The following TNIP1 variants were observed in gnomAD, a reference collection of about 807,000 sequenced individuals.
TNIP1 encodes the protein TNFAIP3-interacting protein 1.
In TNIP1, 22 loss-of-function variants were observed where a neutral mutation model predicts 86.6. That is an observed-to-expected ratio of 0.25 (90% CI 0.18 to 0.36). The LOEUF is 0.36. TNIP1 is among the 10% of genes least tolerant of loss of function. TNIP1 has a pLI of 1.00. For synonymous variants in TNIP1, 294 were observed against 313.0 expected, an observed-to-expected ratio of 0.94 and a Z score of 0.64; for missense variants, 709 against 820.6, an observed-to-expected ratio of 0.86 and a Z score of 1.66.
intron 7 of TNIP1, among the ~76,000 whole-genome samples, chr5:151,051,774 A>C (rs113210399): frequency 6.6e-6 from 1 of 152,132 alleles, no homozygotes; most frequent in Admixed American, 6.5e-5. Flanking sequence ...TAAGCCCCCT[A>C]GTCCAGTGGG....
chr5:151,071,596 C>T (rs1398938504), intron 1 of TNIP1, among the ~76,000 whole-genome samples: 3 of 152,118 alleles, frequency 2.0e-5, no homozygotes, highest in Admixed American at 2.0e-4. Context: ...TTCCCTAACC[C>T]ATCAGTCCTC....
chr5:151,057,526 G>A (rs1490980404), intron 5 of TNIP1, among the ~76,000 whole-genome samples: 5 of 152,172 alleles, frequency 3.3e-5, no homozygotes, highest in African/African-American at 1.2e-4. Context: ...AGATCAAGAC[G>A]GCCTGAGTGG....
chr5:151,058,657 C>A (rs1368945042), intron 5 of TNIP1, among the ~76,000 whole-genome samples: 3 of 152,202 alleles, frequency 2.0e-5, no homozygotes, highest in African/African-American at 7.2e-5. Context: ...GCTCATCCTT[C>A]CCACCCTGTC....
At chr5:151,052,652 A>G (rs1245131955) in intron 6 of TNIP1, among the ~76,000 whole-genome samples, 2 of 152,144 alleles carry the variant, frequency 1.3e-5, no homozygotes, top group Non-Finnish European at 2.9e-5. Flanking sequence ...TGACTCCCCG[A>G]TCCAGCTACA....
Position 151,030,635 on chromosome 5 carries a change from G to C in TNIP1, c.*78C>G. On this transcript the variant is annotated 3_prime_UTR_variant, in exon 18 of 18. Transcript: ENST00000521591. ...CTGAGGCTCTGGCCACACCGTGCAA[G>C]TGGCTTCTAGTTTCTTGGCAATCTG... 2 of 1,609,540 alleles carry C rather than the reference G, an allele frequency of 1.2e-6. No individual in the cohort carries two copies. Among genetic ancestry groups the C allele is most frequent in the Non-Finnish European group, 1.7e-6 (2 of 1,177,532 alleles).
intron 8 of TNIP1, among the ~76,000 whole-genome samples, chr5:151,047,287 G>T (rs146478051): frequency 6.6e-6 from 1 of 152,312 alleles, no homozygotes; most frequent in East Asian, 1.9e-4. Context: ...CTCCTCATGA[G>T]ATCCAATCAC....
chr5:151,085,626 A>G (rs545270799), upstream of TNIP1, among the ~76,000 whole-genome samples: 1 of 152,308 alleles, frequency 6.6e-6, no homozygotes, highest in East Asian at 1.9e-4. Context: ...GCCTCGTCAC[A>G]TACGTGGCCT....
chr5:151,052,549 C>T (rs760337628), intron 6 of TNIP1, among the ~76,000 whole-genome samples: 1 of 152,148 alleles, frequency 6.6e-6, no homozygotes, highest in African/African-American at 2.4e-5. Flanking sequence ...CTCCCACTGC[C>T]GGGACCCCTA....
At chr5:151,034,293 G>A (rs1056092576) in intron 15 of TNIP1, among the ~76,000 whole-genome samples, 8 of 145,462 alleles carry the variant, frequency 5.5e-5, no homozygotes, top group Non-Finnish European at 3.0e-5. Context: ...GGGCAGTGAA[G>A]GCTGGTACAT....
At chr5:151,056,978 C>A in intron 5 of TNIP1, 21 bp from the exon 6 acceptor site, 1 of 1,439,306 alleles carries the variant, frequency 6.9e-7, no homozygotes, top group African/African-American at 1.5e-5. Flanking sequence ...AAAGGGCACA[C>A]GGCCCACTCT....
intron 3 of TNIP1, among the ~76,000 whole-genome samples, chr5:151,062,903 G>A (rs1353397703): frequency 6.6e-6 from 1 of 152,234 alleles, no homozygotes; most frequent in Non-Finnish European, 1.5e-5. Flanking sequence ...CATTGGCCTG[G>A]GCCAGATACC....
chr5:151,037,773 A>G (rs1757901631), intron 12 of TNIP1, among the ~76,000 whole-genome samples: 2 of 152,240 alleles, frequency 1.3e-5, no homozygotes, highest in South Asian at 4.2e-4. Flanking sequence ...CCGAGGGGAG[A>G]TAGAGACCTG....
chr5:151,065,161 G>T (rs1393522617), intron 1 of TNIP1, 30 bp from the exon 2 acceptor site: 3 of 1,577,126 alleles, frequency 1.9e-6, no homozygotes, highest in South Asian at 1.1e-5. Context: ...ATATCAGCAG[G>T]CTGGCCAGGC....
Position 151,067,671 on chromosome 5 carries a change from G to A in TNIP1, c.-36-2540C>T, listed in dbSNP as rs986015725. 9.2e-5 allele frequency among the ~76,000 whole-genome samples: 14 copies of A among 152,310 alleles called. 2 individuals are homozygous for A. Among genetic ancestry groups the A allele is most frequent in the East Asian group, 1.9e-4 (1 of 5,190 alleles). On this transcript the variant is annotated intron_variant, in intron 1 of 17. Coordinates refer to ENST00000521591, the MANE Select transcript of TNIP1 (RefSeq NM_006058.5). ...ATTAGAGGCTGCATGAGGACAGGGA[G>A]CAAGTCCATCCTGTGTGCCAGGGTA...
chr5:151,035,796 G>A, intron 13 of TNIP1, 89 bp from the exon 14 acceptor site: 1 of 1,547,322 alleles, frequency 6.5e-7, no homozygotes, highest in East Asian at 2.3e-5. Flanking sequence ...CTCCTGCTGG[G>A]GTCACAGATG....
intron 1 of TNIP1, among the ~76,000 whole-genome samples, chr5:151,075,416 C>T (rs570602172): frequency 1.2e-4 from 18 of 152,198 alleles, no homozygotes; most frequent in African/African-American, 4.3e-4. Context: ...GGGTATACTG[C>T]GTGATTTGGG....
intron 13 of TNIP1, among the ~76,000 whole-genome samples, chr5:151,036,436 C>T (rs1157592183): frequency 1.3e-5 from 2 of 152,152 alleles, no homozygotes; most frequent in African/African-American, 2.4e-5. Flanking sequence ...TTGTTTATTG[C>T]GTACAGTTAC....
chr5:151,059,828 A>AGAGAGAGAGAGAGAGTGTGT (rs1554076446), intron 5 of TNIP1, among the ~76,000 whole-genome samples: 3 of 56,394 alleles, frequency 5.3e-5, no homozygotes, highest in Non-Finnish European at 9.7e-5. Context: ...AGAGAGAGAG[A>AGAGAGAGAGAGAGAGTGTGT]GTGTGTGTGT....
In TNIP1 at chr5:151,039,185, C is replaced by A; in HGVS notation, c.1175G>T (p.Arg392Leu). The change falls in exon 12 of 18, where the codon CGC becomes CTC. Residue 392 changes from arginine to leucine, a missense_variant. By Grantham distance (102) the Arg-to-Leu change is moderately radical (BLOSUM62 -2). Transcript: ENST00000521591. ...EQLTAEAKEL[R>L]QKVKYLQDQL... ...ATCCTGCAGGTACTTGACCTTTTGG[C>A]GCAGCTCCTTGGCCTCTGCTGTCAG... 6.2e-7 allele frequency: 1 copy of A among 1,613,718 alleles called. No homozygotes were observed.
Sources: gnomAD v4.1 joint callset for allele counts (sites outside exome capture counted in the v4.1 genomes callset) on GRCh38, gnomAD v4.1.1 for gene constraint, MANE v1.5 for transcripts, NCBI Gene and HGNC (gene_info 2026-07-23, HGNC 2026-07-21) for gene names.